PPP1CC: variants seen among roughly 807,000 people sequenced by gnomAD.
PPP1CC encodes serine/threonine-protein phosphatase PP1-gamma catalytic subunit.
PPP1CC carries 16 observed loss-of-function variants against 38.4 expected under a neutral mutation model. That is an observed-to-expected ratio of 0.42 (90% CI 0.28 to 0.63). The LOEUF (loss-of-function observed/expected upper bound fraction) is 0.63. PPP1CC is among the 30% of genes least tolerant of loss of function. The pLI is 0.25. For missense variants in PPP1CC, 170 were observed against 391.3 expected (o/e 0.43, Z 4.77); for synonymous variants, 158 against 136.0 (o/e 1.16, Z -1.13).
chr12:110,735,086 A>C (rs1033328589), intron 1 of PPP1CC: 1 of 144,440 alleles, frequency 6.9e-6, no homozygotes, highest in Non-Finnish European at 1.5e-5. Context: ...ATGGAGTCTC[A>C]CTCTGTTGCC....
At chr12:110,730,274 G>A (rs1050091248) in intron 3 of PPP1CC, among the ~76,000 whole-genome samples, 2 of 152,222 alleles carry the variant, frequency 1.3e-5, no homozygotes, top group Non-Finnish European at 2.9e-5. Context: ...CAGGAGGATT[G>A]CTTGAGCCTG....
rs759524925 is a variant in PPP1CC at position 110,722,150 on chromosome 12, T to G, written c.867A>C (p.Leu289=). The change falls in exon 6 of 7, where the codon CTA becomes CTC. Residue 289 remains leucine (L), a synonymous_variant. Coordinates refer to ENST00000335007, the MANE Select transcript of PPP1CC (RefSeq NM_002710.4). The surrounding 1 kb of genome is among the most constrained non-coding windows in gnomAD (Gnocchi z 5.4). ...AGAMMSVDET[L]MCSFQILKPA... is the part of the protein sequence containing the mutation. ...CATGCTCTACCTGAAAAGAACACAT[T>G]AGTGTTTCATCCACACTCATCATGG... The G allele has an allele frequency of 1.9e-6, 3 of 1,614,130 alleles. No individual in the cohort carries two copies. Among genetic ancestry groups the G allele is most frequent in the South Asian group, 2.2e-5 (2 of 91,078 alleles).
intron 4 of PPP1CC, among the ~76,000 whole-genome samples, chr12:110,723,519 A>G (rs376467054): frequency 6.6e-6 from 1 of 152,196 alleles, no homozygotes; most frequent in African/African-American, 2.4e-5. Context: ...ATATATGTAT[A>G]TATTTTCAGA....
chr12:110,718,183 G>A (rs16940960), downstream of PPP1CC, among the ~76,000 whole-genome samples: 1,299 of 152,254 alleles, frequency 8.5e-3, 19 homozygotes, highest in African/African-American at 0.029. Context: ...AAGAACAAGG[G>A]TTATATGTGA....
chr12:110,716,156 A>C (rs894838874), downstream of PPP1CC, among the ~76,000 whole-genome samples: 3 of 152,184 alleles, frequency 2.0e-5, no homozygotes, highest in Non-Finnish European at 2.9e-5. Context: ...ACAACCCCTC[A>C]ATCTCAAGCT....
chr12:110,736,879 T>C (rs1566088094), intron 1 of PPP1CC, among the ~76,000 whole-genome samples: 1 of 152,142 alleles, frequency 6.6e-6, no homozygotes, highest in Non-Finnish European at 1.5e-5. Context: ...AAATAGCATA[T>C]ACTAAAAAAG....
At chr12:110,724,312 G>A (rs1270632350) in intron 4 of PPP1CC, among the ~76,000 whole-genome samples, 1 of 152,150 alleles carries the variant, frequency 6.6e-6, no homozygotes, top group Non-Finnish European at 1.5e-5. Context: ...CTGTAACCCA[G>A]CACTTTGGAA....
intron 2 of PPP1CC, 151 bp from the exon 3 acceptor site, chr12:110,730,910 T>C: frequency 1.7e-6 from 1 of 596,148 alleles, no homozygotes; most frequent in South Asian, 2.4e-5. Flanking sequence ...ACTAAGTAAT[T>C]TCCAATCTTA....
rs761877049 is a variant in PPP1CC at position 110,720,061 on chromosome 12, T to A, written c.*1015A>T. On this transcript the variant is annotated 3_prime_UTR_variant, in exon 7 of 7. Transcript: ENST00000335007. ...TATAAACTGGTGGACAGTAAGTTAGTTCCTTTGTTTTAACTTATAAGCCTC... is the reference window on the plus strand; with the variant it reads ...TATAAACTGGTGGACAGTAAGTTAGATCCTTTGTTTTAACTTATAAGCCTC... 5.3e-6 allele frequency: 7 copies of A among 1,323,408 alleles called. No individual in the cohort carries two copies. Among genetic ancestry groups the A allele is most frequent in the African/African-American group, 1.5e-5 (1 of 68,166 alleles). The allele number at this position is 1,323,408 out of a possible 1,614,324, so 82.0% of individuals were successfully genotyped here.
chr12:110,708,648 A>C, the PPP1CC span, among the ~76,000 whole-genome samples: 1 of 152,082 alleles, frequency 6.6e-6, no homozygotes, highest in Admixed American at 6.6e-5. Flanking sequence ...CAGGAGCTCG[A>C]GAACAGCTTG....
the PPP1CC span, among the ~76,000 whole-genome samples, chr12:110,713,021 C>T: frequency 1.3e-5 from 2 of 151,666 alleles, no homozygotes; most frequent in Non-Finnish European, 2.9e-5. Context: ...TGCGGTGAGC[C>T]GAGATTGCAC....
intron 1 of PPP1CC, among the ~76,000 whole-genome samples, chr12:110,739,524 GT>G (rs2069988668): frequency 1.3e-5 from 2 of 152,126 alleles, no homozygotes; most frequent in African/African-American, 4.8e-5. Flanking sequence ...CAATCTTAGA[GT>G]TTCAGAATAT....
chr12:110,719,002 A>C (rs1266774638), downstream of PPP1CC, among the ~76,000 whole-genome samples: 4 of 152,134 alleles, frequency 2.6e-5, no homozygotes, highest in Admixed American at 6.6e-5. Flanking sequence ...TGAGCCTGAT[A>C]CCACACTCCA....
chr12:110,712,686 C>A, the PPP1CC span, among the ~76,000 whole-genome samples: 1 of 144,550 alleles, frequency 6.9e-6, no homozygotes, highest in Non-Finnish European at 1.5e-5. Context: ...CTGAAATCCC[C>A]TTGATGAAAA....
At chr12:110,737,812 G>A (rs1419429252) in intron 1 of PPP1CC, among the ~76,000 whole-genome samples, 1 of 152,110 alleles carries the variant, frequency 6.6e-6, no homozygotes, top group Non-Finnish European at 1.5e-5. Context: ...GCCAGGTGTG[G>A]TGGTGTGTGC....
At chr12:110,730,231 T>A (rs545975384) in intron 3 of PPP1CC, among the ~76,000 whole-genome samples, 2 of 152,202 alleles carry the variant, frequency 1.3e-5, no homozygotes, top group Non-Finnish European at 2.9e-5. Flanking sequence ...TGGTGATGCA[T>A]GTCTGCAGTC....
At chr12:110,740,478 T>C (rs1317782214) in intron 1 of PPP1CC, among the ~76,000 whole-genome samples, 1 of 152,120 alleles carries the variant, frequency 6.6e-6, no homozygotes, top group Admixed American at 6.6e-5. Context: ...CAGAATTTAT[T>C]ACCAACATCA....
chr12:110,708,807 C>T, the PPP1CC span, among the ~76,000 whole-genome samples: 2 of 146,358 alleles, frequency 1.4e-5, no homozygotes, highest in Admixed American at 1.4e-4. Flanking sequence ...GCTGAGATCG[C>T]ACCACTGCAC....
chr12:110,731,694 T>A, intron 2 of PPP1CC, 76 bp downstream of exon 2: 1 of 1,484,258 alleles, frequency 6.7e-7, no homozygotes, highest in Non-Finnish European at 9.2e-7. Context: ...TGCTAGCTAA[T>A]ACAAGGTCAT....
Sources: gnomAD v4.1 joint callset for allele counts (sites outside exome capture counted in the v4.1 genomes callset) on GRCh38, gnomAD v4.1.1 for gene constraint, Gnocchi (gnomAD v3.1) non-coding constraint, MANE v1.5 for transcripts, NCBI Gene and HGNC (gene_info 2026-07-23, HGNC 2026-07-21) for gene names.